Variants in RABGAP1 observed in about 807,000 individuals in gnomAD.
RABGAP1 encodes RAB GTPase activating protein 1.
Under a neutral mutation model 137.6 loss-of-function variants are expected in RABGAP1, and 23 were observed. The observed-to-expected ratio is 0.17, with a 90% confidence interval of 0.12 to 0.24. The LOEUF (loss-of-function observed/expected upper bound fraction) is 0.24. Among genes scored for constraint, RABGAP1 ranks in the 10% least tolerant of loss-of-function variants. The pLI, the probability that RABGAP1 is intolerant of heterozygous loss-of-function variation, is 1.00. For missense variants in RABGAP1, 906 were observed against 1,275.8 expected, an observed-to-expected ratio of 0.71 and a Z score of 4.42; for synonymous variants, 451 against 450.7, an observed-to-expected ratio of 1.00 and a Z score of -0.01.
At chr9:123,064,422 G>A (rs1408753116) in intron 13 of RABGAP1, among the ~76,000 whole-genome samples, 4 of 152,142 alleles carry the variant, frequency 2.6e-5, no homozygotes, top group Admixed American at 6.5e-5. Context: ...CATGGCCTTC[G>A]GAACATGATT....
chr9:122,995,132 G>T (rs948140972), intron 6 of RABGAP1, among the ~76,000 whole-genome samples: 11 of 151,890 alleles, frequency 7.2e-5, no homozygotes, highest in Non-Finnish European at 5.9e-5. Context: ...AAAAGAAAAA[G>T]AATATTTTTA....
intron 19 of RABGAP1, among the ~76,000 whole-genome samples, chr9:123,083,510 T>C (rs1278009793): frequency 6.6e-6 from 1 of 152,232 alleles, no homozygotes; most frequent in Admixed American, 6.5e-5. Context: ...TGGTCTCCCT[T>C]AGTCCTTATC....
intron 13 of RABGAP1, among the ~76,000 whole-genome samples, chr9:123,038,111 GT>G (rs1195832998): frequency 2.0e-4 from 31 of 152,008 alleles, no homozygotes; most frequent in Non-Finnish European, 4.3e-4. Context: ...AGTGAAAGTG[GT>G]TTTTTCCCCC....
chr9:122,993,694 C>T (rs955381837), intron 6 of RABGAP1, among the ~76,000 whole-genome samples: 4 of 152,178 alleles, frequency 2.6e-5, no homozygotes, highest in Non-Finnish European at 4.4e-5. Flanking sequence ...GACGGAGTCT[C>T]GCTCTGTCAC....
At chr9:122,998,179 G>A (rs1328412664) in intron 9 of RABGAP1, among the ~76,000 whole-genome samples, 2 of 151,634 alleles carry the variant, frequency 1.3e-5, no homozygotes, top group African/African-American at 2.4e-5. Flanking sequence ...GGCTCACTGC[G>A]GCCTGCACCT....
chr9:123,089,001 G>C (rs745524141), intron 19 of RABGAP1, among the ~76,000 whole-genome samples: 11 of 152,202 alleles, frequency 7.2e-5, no homozygotes, highest in Non-Finnish European at 1.5e-4. Flanking sequence ...CTTACATTAA[G>C]GAGGGGCAGG....
At chr9:122,989,892 T>G (rs1211356689) in intron 5 of RABGAP1, 164 bp from the exon 6 acceptor site, 8 of 720,992 alleles carry the variant, frequency 1.1e-5, no homozygotes, top group African/African-American at 1.8e-5. Flanking sequence ...CTGGACATTT[T>G]TAGTGTTGCT....
intron 1 of RABGAP1, among the ~76,000 whole-genome samples, chr9:122,942,831 T>C (rs1218798470): frequency 1.3e-5 from 2 of 152,056 alleles, no homozygotes; most frequent in Non-Finnish European, 1.5e-5. Flanking sequence ...ATTCAAGATA[T>C]TAACTCAGAT....
At position 122,990,797 on chromosome 9, in the gene RABGAP1, ATATATATATATATATAT is replaced by A. The variant is rs1185412884; in HGVS notation, c.923+585_923+601del. On this transcript the variant is annotated intron_variant, in intron 6 of 25. Transcript: ENST00000373647. ...AAAAAAAAAAAAAAAAAAAAAAAAA[ATATATATATATATATAT>A]ATATATATATATATATATATATGGC... The A allele has an allele frequency of 7.9e-4, 25 of 31,794 alleles. 4 individuals carry two copies. In the South Asian group the frequency reaches 0.011, roughly 14 times the overall value. The allele number at this position is 31,794 out of a possible 1,614,324, so 2.0% of individuals were successfully genotyped here.
intron 9 of RABGAP1, among the ~76,000 whole-genome samples, chr9:122,997,842 T>C (rs1429406886): frequency 6.6e-6 from 1 of 152,214 alleles, no homozygotes; most frequent in Non-Finnish European, 1.5e-5. Flanking sequence ...CTGCATATTA[T>C]CCCATTCTGA....
chr9:123,041,332 C>G (rs1161984563), intron 13 of RABGAP1, among the ~76,000 whole-genome samples: 3 of 152,100 alleles, frequency 2.0e-5, no homozygotes, highest in Non-Finnish European at 4.4e-5. Flanking sequence ...TTCTTATATT[C>G]TACATTTAAT....
chr9:122,999,016 A>T (rs138930529), intron 10 of RABGAP1, among the ~76,000 whole-genome samples: 1 of 152,148 alleles, frequency 6.6e-6, no homozygotes, highest in Non-Finnish European at 1.5e-5. Flanking sequence ...TTAAGTATAG[A>T]TCTGCTAAAG....
Position 123,015,427 on chromosome 9 carries a change from A to T in RABGAP1, c.1550-116A>T, listed in dbSNP as rs540146806. 59 of 589,218 alleles carry T rather than the reference A, an allele frequency of 1.0e-4. 1 individual carries two copies. In the South Asian group the frequency reaches 1.6e-3, roughly 16 times the overall value. 36.5% of individuals were successfully genotyped at this position (589,218 alleles called of 1,614,324 possible). A position where few individuals can be genotyped will look rare whatever the true frequency, so the allele number is the denominator to read the frequency against. On this transcript the variant is annotated intron_variant, in intron 11 of 25. Coordinates refer to ENST00000373647, the MANE Select transcript of RABGAP1 (RefSeq NM_012197.4). Reference sequence around the variant, plus strand: ...CTATCCATAAATACTAAAAGAGAGAAATTATGACTTTATGCTCCCAGTAAA... The same window carrying T: ...CTATCCATAAATACTAAAAGAGAGATATTATGACTTTATGCTCCCAGTAAA...
intron 14 of RABGAP1, 57 bp downstream of exon 14, chr9:123,065,518 A>G: frequency 8.2e-7 from 1 of 1,224,562 alleles, no homozygotes; most frequent in Non-Finnish European, 1.2e-6. Context: ...CTACTTTGAA[A>G]TTACATAAGA....
intron 13 of RABGAP1, among the ~76,000 whole-genome samples, chr9:123,056,116 A>G (rs1349918111): frequency 6.6e-6 from 1 of 152,218 alleles, no homozygotes; most frequent in Non-Finnish European, 1.5e-5. Flanking sequence ...ATGGTATTAG[A>G]TACCAAAATA....
intron 19 of RABGAP1, among the ~76,000 whole-genome samples, chr9:123,079,850 C>T (rs1174770854): frequency 1.3e-5 from 2 of 152,152 alleles, no homozygotes; most frequent in South Asian, 2.1e-4. Context: ...TATGCCATTA[C>T]GTCCTTATCC....
chr9:123,055,871 A>G (rs190424871), intron 13 of RABGAP1, among the ~76,000 whole-genome samples: 1 of 152,062 alleles, frequency 6.6e-6, no homozygotes, highest in Non-Finnish European at 1.5e-5. Flanking sequence ...TACTTATATA[A>G]CCCAGTTTAT....
rs186561659 is a variant in RABGAP1 at position 122,949,302 on chromosome 9, C to T, written c.-49-7709C>T. 2.3e-3 allele frequency among the ~76,000 whole-genome samples: 355 copies of T among 152,218 alleles called. 1 individual carries two copies. The highest frequency in any genetic ancestry group is 5.8e-3 in the South Asian group (28 of 4,822). The stretch of plus-strand genomic sequence containing the variant: ...CCTAGGTGGGTGGATTACCCGAGGT[C>T]AGGAGTTTGAGACCAGCCTGGCCAA... On this transcript the variant is annotated intron_variant, in intron 1 of 25. Coordinates refer to ENST00000373647, the MANE Select transcript of RABGAP1 (RefSeq NM_012197.4).
At chr9:123,024,591 C>T (rs969356266) in intron 13 of RABGAP1, among the ~76,000 whole-genome samples, 1 of 152,080 alleles carries the variant, frequency 6.6e-6, no homozygotes, top group African/African-American at 2.4e-5. Context: ...AGGCGCATGC[C>T]ACCGTGCCTG....
Sources: gnomAD v4.1 joint callset for allele counts (sites outside exome capture counted in the v4.1 genomes callset) on GRCh38, gnomAD v4.1.1 for gene constraint, MANE v1.5 for transcripts, NCBI Gene and HGNC (gene_info 2026-07-23, HGNC 2026-07-21) for gene names.